Variants in NFIC observed in about 807,000 individuals in gnomAD.
The protein encoded by NFIC is nuclear factor I C.
NFIC carries 12 observed loss-of-function variants against 54.4 expected under a neutral mutation model. The observed-to-expected ratio is 0.22, with a 90% CI of 0.14 to 0.36. The LOEUF (loss-of-function observed/expected upper bound fraction) is 0.36, where lower values mean the gene tolerates loss of function less well. Ranked by LOEUF, NFIC falls within the 10% of genes least tolerant of loss-of-function variation. The probability of loss-of-function intolerance (pLI) is 1.00; values close to 1 mark genes in which losing one functional copy is unlikely to be tolerated. For synonymous variants in NFIC, 322 were observed against 319.2 expected (o/e 1.01, Z -0.09); for missense variants, 575 against 718.2 (o/e 0.80, Z 2.28).
intron 2 of NFIC, among the ~76,000 whole-genome samples, chr19:3,392,126 C>T (rs1336762822): frequency 7.4e-6 from 1 of 134,338 alleles, no homozygotes; most frequent in Non-Finnish European, 1.5e-5. Flanking sequence ...GGCAGGAGTG[C>T]AGTGGTGTGA....
chr19:3,456,069 C>G (rs991186658), intron 9 of NFIC, among the ~76,000 whole-genome samples: 1 of 152,330 alleles, frequency 6.6e-6, no homozygotes, highest in South Asian at 2.1e-4. Context: ...AAAATATAAT[C>G]GCTGAGGCTG....
chr19:3,429,013 G>T (rs1045182764), intron 3 of NFIC, among the ~76,000 whole-genome samples: 1 of 151,826 alleles, frequency 6.6e-6, no homozygotes, highest in Non-Finnish European at 1.5e-5. Flanking sequence ...GGCCGGGTGC[G>T]GTGGCTCACG....
chr19:3,454,754 T>C (rs2082525882), intron 9 of NFIC, among the ~76,000 whole-genome samples: 1 of 140,598 alleles, frequency 7.1e-6, no homozygotes, highest in Non-Finnish European at 1.5e-5. Context: ...TCCCTCACTC[T>C]CCAAATGAGA....
chr19:3,409,065 C>A (rs1051378688), intron 2 of NFIC, among the ~76,000 whole-genome samples: 1 of 152,046 alleles, frequency 6.6e-6, no homozygotes, highest in Non-Finnish European at 1.5e-5. Context: ...TGGATTGTAT[C>A]ATAGCTCACA....
rs374469121 is a variant in NFIC at position 3,467,212 on chromosome 19, G to GCCCCCCCCCCC, written c.*4444_*4454dup. ...GCTATGGACACCACACCTATGCCAGGCCCCCCCCCCCACCCCAGTCTCATT... is the reference window on the plus strand; with the variant it reads ...GCTATGGACACCACACCTATGCCAGGCCCCCCCCCCCCCCCCCCCCCCACCCCAGTCTCATT... On this transcript the variant is annotated 3_prime_UTR_variant, in exon 11 of 11. Coordinates refer to ENST00000443272, the MANE Select transcript of NFIC (RefSeq NM_001245002.2). The GCCCCCCCCCCC allele has an allele frequency of 4.3e-4, 38 of 88,204 alleles. No individual in the cohort carries two copies. The highest frequency in any genetic ancestry group is 6.2e-4 in the African/African-American group (13 of 20,806). 5.5% of individuals were successfully genotyped at this position (88,204 alleles called of 1,614,324 possible).
chr19:3,431,494 A>G (rs1038265190), intron 3 of NFIC, among the ~76,000 whole-genome samples: 1 of 138,972 alleles, frequency 7.2e-6, no homozygotes, highest in Non-Finnish European at 1.5e-5. Context: ...TCGGCCTCCC[A>G]AGTAGCTGGG....
chr19:3,418,565 C>T (rs548157568), intron 2 of NFIC, among the ~76,000 whole-genome samples: 5 of 152,072 alleles, frequency 3.3e-5, no homozygotes, highest in East Asian at 3.9e-4. Flanking sequence ...TAAAATGAGA[C>T]GGCTGGCCGG....
rs562105564 is a variant in NFIC at position 3,448,681 on chromosome 19, G to T, written c.959-333G>T. Among the ~76,000 whole-genome samples the T allele has an allele frequency of 2.0e-5, 3 of 152,246 alleles. No individual in the cohort carries two copies. The East Asian group carries it at 5.8e-4, about 29-fold the overall frequency. On this transcript the variant is annotated intron_variant, in intron 6 of 10. Coordinates refer to ENST00000443272, the MANE Select transcript of NFIC (RefSeq NM_001245002.2). ...CTGCCCTCCCTGCCACCTTCTCTAG[G>T]GCTCGGGTGACTCCCAGGTGATGGG...
intron 2 of NFIC, among the ~76,000 whole-genome samples, chr19:3,404,880 C>T (rs1039828159): frequency 1.3e-5 from 2 of 152,236 alleles, no homozygotes; most frequent in Middle Eastern, 3.4e-3. Flanking sequence ...AGAGTGACAC[C>T]GGGGTCCCCA....
rs1037820939 is a variant in NFIC, at chr19:3,463,962, C to G, written c.*1193C>G. 1 of 985,132 alleles carries G rather than the reference C, an allele frequency of 1.0e-6. No homozygotes were observed. The highest frequency in any genetic ancestry group is 1.2e-6 in the Non-Finnish European group (1 of 829,876). The allele number at this position is 985,132 out of a possible 1,614,324, so 61.0% of individuals were successfully genotyped here. On this transcript the variant is annotated 3_prime_UTR_variant, in exon 11 of 11. Coordinates refer to ENST00000443272, the MANE Select transcript of NFIC (RefSeq NM_001245002.2). The stretch of plus-strand genomic sequence containing the variant: ...CAGTCAACCCTCATCGCCGTGCCCC[C>G]CCAGAGCTAGAGAGATGGGGCCCCT...
rs905043973 is a variant in NFIC at position 3,453,440 on chromosome 19, C to T, written c.1270-323C>T. ...TGCTCGCAGTGAATTAGGAAAAACG[C>T]GGAGAACCTGCTGTTAGGAGGCGGT... On this transcript the variant is annotated intron_variant, in intron 8 of 10. Coordinates refer to ENST00000443272, the MANE Select transcript of NFIC (RefSeq NM_001245002.2). The surrounding 1 kb of genome is among the most constrained non-coding windows in gnomAD (Gnocchi z 6.7). Among the ~76,000 whole-genome samples, 8 of 152,100 alleles carry T rather than the reference C, an allele frequency of 5.3e-5. No homozygotes were observed. Among genetic ancestry groups the T allele is most frequent in the Non-Finnish European group, 8.8e-5 (6 of 68,026 alleles).
Position 3,459,237 on chromosome 19 carries a change from A to G in NFIC, c.1509+2602A>G, listed in dbSNP as rs1336877314. Among the ~76,000 whole-genome samples the G allele has an allele frequency of 2.3e-5, 1 of 43,820 alleles. No individual in the cohort carries two copies. Among genetic ancestry groups the G allele is most frequent in the Non-Finnish European group, 4.5e-5 (1 of 22,184 alleles). 28.7% of individuals were successfully genotyped at this position (43,820 alleles called of 152,430 possible). ...GCCTCTCCGGCTCCCGACACCCCCC[A>G]GTCCATGGACTCTCCCCCCATCAAT... On this transcript the variant is annotated intron_variant, in intron 10 of 10. Coordinates refer to ENST00000443272, the MANE Select transcript of NFIC (RefSeq NM_001245002.2). The surrounding 1 kb of genome is among the most constrained non-coding windows in gnomAD (Gnocchi z 4.2).
chr19:3,371,289 C>T (rs1438141888), intron 1 of NFIC: 1 of 151,426 alleles, frequency 6.6e-6, no homozygotes, highest in African/African-American at 2.4e-5. Flanking sequence ...CCCACTTCCT[C>T]AGGGCTGCTG....
chr19:3,422,695 C>T (rs1341208432), intron 2 of NFIC, among the ~76,000 whole-genome samples: 2 of 151,234 alleles, frequency 1.3e-5, no homozygotes, highest in African/African-American at 2.4e-5. Context: ...CCAGCCTGGG[C>T]GACAGAGCGA....
chr19:3,460,737 C>A (rs1199179548), intron 10 of NFIC, among the ~76,000 whole-genome samples: 2 of 151,478 alleles, frequency 1.3e-5, no homozygotes, highest in Non-Finnish European at 2.9e-5. Context: ...TGGTCTCGAA[C>A]CCCTGACCTC....
upstream of NFIC, among the ~76,000 whole-genome samples, chr19:3,364,492 C>G (rs1048497882): frequency 6.6e-6 from 1 of 152,272 alleles, no homozygotes. Flanking sequence ...CCTTGCCACC[C>G]AAACTGGGAT....
intron 3 of NFIC, among the ~76,000 whole-genome samples, chr19:3,426,624 C>T (rs2082031424): frequency 6.6e-6 from 1 of 152,108 alleles, no homozygotes; most frequent in Non-Finnish European, 1.5e-5. Context: ...GGTAAAAGCC[C>T]AGGTCCTCCC....
At position 3,464,458 on chromosome 19, in the gene NFIC, G is replaced by A; in HGVS notation, c.*1689G>A. Reference sequence around the variant, plus strand: ...CCCCACCCCAGGATCGCCATCTTTAGGGGAGGCCTGGGAGGGGGTGTTAGG... The same window carrying A: ...CCCCACCCCAGGATCGCCATCTTTAAGGGAGGCCTGGGAGGGGGTGTTAGG... On this transcript the variant is annotated 3_prime_UTR_variant, in exon 11 of 11. Coordinates refer to ENST00000443272, the MANE Select transcript of NFIC (RefSeq NM_001245002.2). 2.0e-6 allele frequency: 2 copies of A among 977,950 alleles called. No individual in the cohort carries two copies. The highest frequency in any genetic ancestry group is 2.4e-6 in the Non-Finnish European group (2 of 828,586). The allele number at this position is 977,950 out of a possible 1,614,324, so 60.6% of individuals were successfully genotyped here.
chr19:3,402,886 G>C (rs1177791397), intron 2 of NFIC, among the ~76,000 whole-genome samples: 1 of 152,214 alleles, frequency 6.6e-6, no homozygotes, highest in Admixed American at 6.6e-5. Context: ...GAGGGGGAGA[G>C]AGGGAAGAGG....
Sources: gnomAD v4.1 joint callset for allele counts (sites outside exome capture counted in the v4.1 genomes callset) on GRCh38, gnomAD v4.1.1 for gene constraint, Gnocchi (gnomAD v3.1) non-coding constraint, MANE v1.5 for transcripts, NCBI Gene and HGNC (gene_info 2026-07-23, HGNC 2026-07-21) for gene names.